Variants in TMTC1 observed in about 807,000 individuals in gnomAD.
The protein encoded by TMTC1 is transmembrane O-mannosyltransferase targeting cadherins 1.
In TMTC1, 73 loss-of-function variants were observed where a neutral mutation model predicts 104.8. The ratio of observed to expected loss-of-function variants is 0.70; its 90% confidence interval spans 0.58 to 0.85. TMTC1 has a LOEUF of 0.85. TMTC1 is among the 40% of genes least tolerant of loss of function. The probability of loss-of-function intolerance (pLI) is 0.00; values close to 1 mark genes in which losing one functional copy is unlikely to be tolerated. For synonymous variants in TMTC1, 434 were observed against 428.7 expected, an observed-to-expected ratio of 1.01 and a Z score of -0.15; for missense variants, 1,035 against 1,096.1, an observed-to-expected ratio of 0.94 and a Z score of 0.79.
chr12:29,606,953 G>A (rs1235595615), intron 6 of TMTC1, among the ~76,000 whole-genome samples: 3 of 147,746 alleles, frequency 2.0e-5, no homozygotes, highest in Non-Finnish European at 3.0e-5. Context: ...GTGTCAGTTG[G>A]GAGCACAGCC....
chr12:29,568,075 C>T (rs567509478), intron 9 of TMTC1, among the ~76,000 whole-genome samples: 1 of 152,200 alleles, frequency 6.6e-6, no homozygotes, highest in East Asian at 1.9e-4. Context: ...GGAGGGAATA[C>T]AAAGAATTAT....
intron 1 of TMTC1, among the ~76,000 whole-genome samples, chr12:29,776,563 T>C (rs1452925297): frequency 6.6e-6 from 1 of 152,228 alleles, no homozygotes; most frequent in Non-Finnish European, 1.5e-5. Flanking sequence ...AAAAAATTAA[T>C]TCATTTTTAA....
At chr12:29,665,630 T>C (rs935543932) in intron 5 of TMTC1, among the ~76,000 whole-genome samples, 64 of 152,226 alleles carry the variant, frequency 4.2e-4, no homozygotes, top group African/African-American at 1.4e-3. Context: ...CAATAAATAA[T>C]TGATCATATG....
At chr12:29,540,226 C>A (rs1944759281) in intron 10 of TMTC1, among the ~76,000 whole-genome samples, 1 of 152,132 alleles carries the variant, frequency 6.6e-6, no homozygotes, top group African/African-American at 2.4e-5. Context: ...ATGTGCCATG[C>A]AGACAAGTTT....
chr12:29,573,375 A>T (rs1397108949), intron 8 of TMTC1, among the ~76,000 whole-genome samples: 1 of 152,198 alleles, frequency 6.6e-6, no homozygotes, highest in African/African-American at 2.4e-5. Context: ...GTTTGCAAGC[A>T]TTTCTCTAAG....
At chr12:29,513,457 G>A (rs1235454835) in intron 16 of TMTC1, among the ~76,000 whole-genome samples, 2 of 152,038 alleles carry the variant, frequency 1.3e-5, no homozygotes, top group Non-Finnish European at 2.9e-5. Flanking sequence ...TACAAATTCT[G>A]AGAAAAATGC....
chr12:29,516,570 G>A (rs972854411), intron 14 of TMTC1, 84 bp from the exon 15 acceptor site: 20 of 1,432,182 alleles, frequency 1.4e-5, no homozygotes, highest in African/African-American at 7.1e-5. Context: ...CATTCAGAAC[G>A]CACTCCTGAC....
chr12:29,517,687 T>A, intron 13 of TMTC1, 116 bp from the exon 14 acceptor site: 1 of 1,170,432 alleles, frequency 8.5e-7, no homozygotes, highest in Non-Finnish European at 1.2e-6. Context: ...CAATACGGTC[T>A]TTGTTTTTAT....
chr12:29,624,842 A>T (rs1279132536), intron 6 of TMTC1, among the ~76,000 whole-genome samples: 1 of 152,234 alleles, frequency 6.6e-6, no homozygotes, highest in East Asian at 1.9e-4. Context: ...ATATTAAGAC[A>T]AGGACAGAGG....
intron 5 of TMTC1, among the ~76,000 whole-genome samples, chr12:29,708,896 G>T (rs1941824538): frequency 6.6e-6 from 1 of 152,060 alleles, no homozygotes; most frequent in Non-Finnish European, 1.5e-5. Context: ...ATTTCGTCTC[G>T]ATTTTCTTCT....
chr12:29,713,451 C>T (rs1036225496), intron 5 of TMTC1, among the ~76,000 whole-genome samples: 4 of 151,646 alleles, frequency 2.6e-5, no homozygotes, highest in East Asian at 1.9e-4. Flanking sequence ...ACTAACACAC[C>T]GATGCATGAT....
At chr12:29,756,355 G>C (rs527378947) in intron 3 of TMTC1, among the ~76,000 whole-genome samples, 1 of 152,240 alleles carries the variant, frequency 6.6e-6, no homozygotes, top group African/African-American at 2.4e-5. Context: ...GGGATTAAAC[G>C]AATGACTTGT....
intron 6 of TMTC1, among the ~76,000 whole-genome samples, chr12:29,615,180 G>A (rs557367223): frequency 5.3e-5 from 8 of 152,268 alleles, no homozygotes; most frequent in Admixed American, 4.6e-4. Context: ...AACCAGATGG[G>A]ATACAAAAAT....
At chr12:29,584,779 T>C (rs1046855599) in intron 7 of TMTC1, among the ~76,000 whole-genome samples, 3 of 151,810 alleles carry the variant, frequency 2.0e-5, no homozygotes, top group South Asian at 4.2e-4. Flanking sequence ...TCATCATTTT[T>C]TATGGCTGCA....
intron 13 of TMTC1, 90 bp downstream of exon 13, chr12:29,518,382 G>A: frequency 6.9e-7 from 1 of 1,440,076 alleles, no homozygotes; most frequent in South Asian, 1.6e-5. Context: ...CTAGTATTCT[G>A]AGAGCACACC....
At chr12:29,588,968 A>G (rs975084526) in intron 7 of TMTC1, among the ~76,000 whole-genome samples, 1 of 152,228 alleles carries the variant, frequency 6.6e-6, no homozygotes, top group African/African-American at 2.4e-5. Flanking sequence ...GACTATGCCA[A>G]AAGGAAAAAA....
At chr12:29,665,732 C>T (rs942699636) in intron 5 of TMTC1, among the ~76,000 whole-genome samples, 1 of 152,118 alleles carries the variant, frequency 6.6e-6, no homozygotes, top group African/African-American at 2.4e-5. Flanking sequence ...CCAGTCTTAG[C>T]GAGAATCCCG....
At chr12:29,751,069 A>G (rs1375708594) in intron 5 of TMTC1, among the ~76,000 whole-genome samples, 2 of 152,248 alleles carry the variant, frequency 1.3e-5, no homozygotes, top group African/African-American at 4.8e-5. Context: ...CTTTTAACAT[A>G]TATCTGTTAT....
intron 10 of TMTC1, among the ~76,000 whole-genome samples, chr12:29,541,851 G>A (rs1944809155): frequency 6.6e-6 from 1 of 152,014 alleles, no homozygotes; most frequent in Non-Finnish European, 1.5e-5. Flanking sequence ...GAGAGACGGT[G>A]TTTCACCATG....
Sources: gnomAD v4.1 joint callset for allele counts (sites outside exome capture counted in the v4.1 genomes callset) on GRCh38, gnomAD v4.1.1 for gene constraint, MANE v1.5 for transcripts, NCBI Gene and HGNC (gene_info 2026-07-23, HGNC 2026-07-21) for gene names.